NRP1: variants seen among roughly 807,000 people sequenced by gnomAD.
NRP1 encodes the protein neuropilin-1.
NRP1 carries 35 observed loss-of-function variants against 106.7 expected under a neutral mutation model. That is an observed-to-expected ratio of 0.33 (90% CI 0.25 to 0.43). NRP1 has a LOEUF of 0.43. Ranked by LOEUF, NRP1 falls within the 20% of genes least tolerant of loss-of-function variation. NRP1 has a pLI of 1.00. For synonymous variants in NRP1, 437 were observed against 417.9 expected (o/e 1.05, Z -0.56); for missense variants, 1,024 against 1,170.4 (o/e 0.87, Z 1.83).
At chr10:33,328,649 A>T (rs1325597454) in intron 2 of NRP1, among the ~76,000 whole-genome samples, 1 of 152,198 alleles carries the variant, frequency 6.6e-6, no homozygotes, top group Non-Finnish European at 1.5e-5. Flanking sequence ...CCACCAGCTC[A>T]TAAGAACCAA....
At chr10:33,277,556 G>T (rs534328040) in intron 2 of NRP1, among the ~76,000 whole-genome samples, 21 of 152,376 alleles carry the variant, frequency 1.4e-4, no homozygotes, top group Admixed American at 2.0e-4. Context: ...TGGGGCCTGA[G>T]CCTCAGGGCG....
In NRP1 at chr10:33,325,718, A is replaced by G. The variant is rs555351428; in HGVS notation, c.248+4990T>C. On this transcript the variant is annotated intron_variant, in intron 2 of 16. Transcript: ENST00000374867. ...ATCCCAACAAAATTCTGAAACGAAT[A>G]TCATCTCTATTTGCTTATAATTTCA... 5.3e-5 allele frequency among the ~76,000 whole-genome samples: 8 copies of G among 152,360 alleles called. No individual in the cohort carries two copies. In the South Asian group the frequency reaches 1.7e-3, roughly 32 times the overall value.
At chr10:33,308,495 CT>C (rs1167131506) in intron 2 of NRP1, among the ~76,000 whole-genome samples, 3 of 150,430 alleles carry the variant, frequency 2.0e-5, no homozygotes, top group Non-Finnish European at 3.0e-5. Flanking sequence ...TCTCATTATT[CT>C]TTTTTTTTGA....
chr10:33,301,361 G>A (rs567395775), intron 2 of NRP1, among the ~76,000 whole-genome samples: 1 of 152,282 alleles, frequency 6.6e-6, no homozygotes, highest in African/African-American at 2.4e-5. Context: ...GGATGACAGC[G>A]TATAAAAGTT....
At chr10:33,330,936 C>G in intron 1 of NRP1, 54 bp from the exon 2 acceptor site, 2 of 1,439,700 alleles carry the variant, frequency 1.4e-6, no homozygotes, top group Non-Finnish European at 1.9e-6. Context: ...GTTAGGTAAT[C>G]TAGCTTTATA....
At chr10:33,218,417 C>T (rs1423172397) in intron 8 of NRP1, among the ~76,000 whole-genome samples, 1 of 151,012 alleles carries the variant, frequency 6.6e-6, no homozygotes, top group African/African-American at 2.4e-5. Flanking sequence ...ACAATCTCGG[C>T]TCACTGCAAG....
chr10:33,235,012 G>A (rs530710211), intron 6 of NRP1, among the ~76,000 whole-genome samples: 14 of 152,300 alleles, frequency 9.2e-5, no homozygotes, highest in East Asian at 3.9e-4. Flanking sequence ...GCTGACCTCC[G>A]TCTTTTTTGG....
At chr10:33,320,764 G>A (rs1260396404) in intron 2 of NRP1, among the ~76,000 whole-genome samples, 2 of 152,192 alleles carry the variant, frequency 1.3e-5, no homozygotes, top group African/African-American at 4.8e-5. Context: ...AAAGCATTCT[G>A]TGGGACAGCG....
chr10:33,236,475 C>A (rs1840564954), intron 6 of NRP1, among the ~76,000 whole-genome samples: 1 of 152,140 alleles, frequency 6.6e-6, no homozygotes, highest in Admixed American at 6.5e-5. Context: ...TGTGTAATAT[C>A]CATGAAAGCT....
At chr10:33,207,359 T>A (rs1161498406) in intron 10 of NRP1, among the ~76,000 whole-genome samples, 1 of 147,426 alleles carries the variant, frequency 6.8e-6, no homozygotes, top group East Asian at 2.0e-4. Context: ...CCGAGGAGAG[T>A]CATGCAAACA....
chr10:33,194,697 T>C (rs1660227465), intron 12 of NRP1: 1 of 515,356 alleles, frequency 1.9e-6, no homozygotes. Flanking sequence ...AATTTGGTTA[T>C]TTAAAGGATA....
intron 8 of NRP1, among the ~76,000 whole-genome samples, chr10:33,216,751 T>C (rs1361057228): frequency 6.6e-6 from 1 of 152,182 alleles, no homozygotes; most frequent in African/African-American, 2.4e-5. Flanking sequence ...CCTCAAATGC[T>C]GATGAGCACA....
chr10:33,290,955 T>C (rs543840654), intron 2 of NRP1, among the ~76,000 whole-genome samples: 38 of 152,276 alleles, frequency 2.5e-4, no homozygotes, highest in African/African-American at 8.9e-4. Flanking sequence ...CCTTGATCTC[T>C]TTCTTCCAGC....
intron 6 of NRP1, among the ~76,000 whole-genome samples, chr10:33,228,597 T>C (rs1041292457): frequency 2.0e-5 from 3 of 152,214 alleles, no homozygotes; most frequent in Non-Finnish European, 4.4e-5. Flanking sequence ...AATTGCTTTT[T>C]TCCTGAAGGC....
chr10:33,249,594 A>C (rs1841699876), intron 6 of NRP1: 2 of 474,100 alleles, frequency 4.2e-6, no homozygotes, highest in African/African-American at 2.0e-5. Flanking sequence ...AGGTAAAATT[A>C]ATAATAAGAT....
intron 2 of NRP1, among the ~76,000 whole-genome samples, chr10:33,292,707 G>A (rs145932638): frequency 6.6e-6 from 1 of 152,286 alleles, no homozygotes; most frequent in Non-Finnish European, 1.5e-5. Flanking sequence ...TGTAAAACCT[G>A]CCAACGACGG....
intron 2 of NRP1, among the ~76,000 whole-genome samples, chr10:33,280,048 A>G (rs550145630): frequency 6.6e-6 from 1 of 152,372 alleles, no homozygotes; most frequent in South Asian, 2.1e-4. Context: ...CAGAAAAGTG[A>G]TAACAGCTTA....
At chr10:33,264,948 A>G (rs1293832507) in intron 3 of NRP1, among the ~76,000 whole-genome samples, 1 of 152,092 alleles carries the variant, frequency 6.6e-6, no homozygotes, top group African/African-American at 2.4e-5. Flanking sequence ...AGTCTCTACT[A>G]AAAATAGAAA....
intron 2 of NRP1, among the ~76,000 whole-genome samples, chr10:33,313,988 T>C (rs1846811471): frequency 6.7e-6 from 1 of 149,058 alleles, no homozygotes; most frequent in Non-Finnish European, 1.5e-5. Flanking sequence ...TCTCTTTCCC[T>C]CCCTCCCTCC....
Sources: allele counts gnomAD v4.1 joint callset (sites outside exome capture counted in the v4.1 genomes callset), GRCh38; gene constraint gnomAD v4.1.1; transcripts MANE v1.5; gene names NCBI Gene and HGNC (gene_info 2026-07-23, HGNC 2026-07-21).